The following CAMTA1 variants were observed in gnomAD, a reference collection of about 807,000 sequenced individuals.
CAMTA1 encodes calmodulin binding transcription activator 1, also known as calmodulin-binding transcription activator 1.
Under a neutral mutation model 170.9 loss-of-function variants are expected in CAMTA1, and 27 were observed. The observed-to-expected ratio is 0.16, with a 90% CI of 0.12 to 0.22. The LOEUF (loss-of-function observed/expected upper bound fraction) is 0.22, where lower values mean the gene tolerates loss of function less well. Among genes scored for constraint, CAMTA1 ranks in the 10% least tolerant of loss-of-function variants. The pLI, the probability that CAMTA1 is intolerant of heterozygous loss-of-function variation, is 1.00. For missense variants in CAMTA1, 1,619 were observed against 2,217.2 expected (o/e 0.73, Z 5.42); for synonymous variants, 833 against 891.5 (o/e 0.93, Z 1.17).
At chr1:7,508,423 G>A (rs1575707968) in intron 6 of CAMTA1, among the ~76,000 whole-genome samples, 1 of 152,232 alleles carries the variant, frequency 6.6e-6, no homozygotes, top group African/African-American at 2.4e-5. Context: ...TAGTCCTGAC[G>A]ATTATTTTGA....
intron 5 of CAMTA1, among the ~76,000 whole-genome samples, chr1:7,444,745 C>T (rs2092636019): frequency 6.6e-6 from 1 of 152,216 alleles, no homozygotes; most frequent in South Asian, 2.1e-4. Context: ...TGAGCAGCAC[C>T]TAAAAGGTGA....
In CAMTA1 at chr1:7,716,210, T is replaced by A. The variant is rs77411154; in HGVS notation, c.2915-16238T>A. On this transcript the variant is annotated intron_variant, in intron 11 of 22. Transcript: ENST00000303635. ...ACCGTGCCCAGCTAATTTTTTTATG[T>A]TTTGTTGAGATAGGGTCTTACTATG... is the stretch of plus-strand genomic sequence containing the variant. 1.8e-4 allele frequency among the ~76,000 whole-genome samples: 27 copies of A among 152,108 alleles called. No homozygotes were observed. The East Asian group carries it at 4.5e-3, about 25-fold the overall frequency.
intron 4 of CAMTA1, among the ~76,000 whole-genome samples, chr1:7,235,806 G>A (rs1663731717): frequency 6.6e-6 from 1 of 152,136 alleles, no homozygotes; most frequent in African/African-American, 2.4e-5. Flanking sequence ...TCTCTGATAA[G>A]AAAACCTCTT....
intron 1 of CAMTA1, among the ~76,000 whole-genome samples, chr1:6,796,530 A>G (rs1369098280): frequency 1.3e-5 from 2 of 152,196 alleles, no homozygotes; most frequent in Non-Finnish European, 2.9e-5. Flanking sequence ...ATGATGTTTT[A>G]TTCAAATTAC....
chr1:7,240,189 A>G (rs1664613943), intron 4 of CAMTA1, among the ~76,000 whole-genome samples: 1 of 152,112 alleles, frequency 6.6e-6, no homozygotes, highest in African/African-American at 2.4e-5. Context: ...ATGATATTTT[A>G]ATTCTCTCAT....
intron 5 of CAMTA1, among the ~76,000 whole-genome samples, chr1:7,264,626 G>A (rs1402046068): frequency 1.3e-5 from 2 of 152,140 alleles, no homozygotes; most frequent in Non-Finnish European, 2.9e-5. Context: ...ACTCCAAAAA[G>A]CACATCAAAT....
intron 5 of CAMTA1, among the ~76,000 whole-genome samples, chr1:7,282,888 CT>C (rs1349969809): frequency 6.6e-6 from 1 of 151,994 alleles, no homozygotes; most frequent in Non-Finnish European, 1.5e-5. Context: ...GTGACATAGC[CT>C]TTTTCTGGTT....
chr1:6,905,360 AT>A (rs1473747175), intron 3 of CAMTA1, among the ~76,000 whole-genome samples: 1 of 151,496 alleles, frequency 6.6e-6, no homozygotes, highest in African/African-American at 2.4e-5. Context: ...CACCTGGCTA[AT>A]TTTTGTGTTT....
At chr1:6,847,589 A>T (rs533439748) in intron 3 of CAMTA1, among the ~76,000 whole-genome samples, 2 of 150,230 alleles carry the variant, frequency 1.3e-5, no homozygotes, top group East Asian at 3.9e-4. Flanking sequence ...CCCAAGCTGG[A>T]GTGCAGTGGT....
chr1:7,491,899 A>T (rs771699956), intron 6 of CAMTA1, among the ~76,000 whole-genome samples: 37 of 152,180 alleles, frequency 2.4e-4, no homozygotes, highest in Non-Finnish European at 4.7e-4. Flanking sequence ...TGGTGTTCCG[A>T]CGAAACAAAG....
At chr1:7,542,598 CTGGGATTA>C (rs1279815922) in intron 6 of CAMTA1, among the ~76,000 whole-genome samples, 1 of 88,350 alleles carries the variant, frequency 1.1e-5, no homozygotes, top group African/African-American at 4.5e-5. Flanking sequence ...TCCTGAGTAG[CTGGGATTA>C]CAGGTGTGTG....
intron 4 of CAMTA1, among the ~76,000 whole-genome samples, chr1:7,213,607 A>G (rs1439986202): frequency 4.9e-5 from 4 of 81,830 alleles, no homozygotes. Flanking sequence ...CTTTTTTTTA[A>G]ATTTCTTTTT....
At chr1:7,415,844 C>G (rs1457890784) in intron 5 of CAMTA1, among the ~76,000 whole-genome samples, 4 of 152,304 alleles carry the variant, frequency 2.6e-5, no homozygotes, top group African/African-American at 7.2e-5. Context: ...GATGCAGTTT[C>G]TTCCTAGCCT....
chr1:7,049,229 TAGAGGAAACTGCCC>T (rs1705902701), intron 3 of CAMTA1, among the ~76,000 whole-genome samples: 1 of 151,958 alleles, frequency 6.6e-6, no homozygotes, highest in Non-Finnish European at 1.5e-5. Context: ...GGACAAAGCA[TAGAGGAAACTGCCC>T]AGTCAGAAAG....
At chr1:7,073,768 T>C (rs1299006086) in intron 3 of CAMTA1, among the ~76,000 whole-genome samples, 1 of 152,102 alleles carries the variant, frequency 6.6e-6, no homozygotes, top group African/African-American at 2.4e-5. Context: ...GAGGTAAAAA[T>C]CTGATAGGAA....
At chr1:6,937,556 T>TCAC (rs1553191710) in intron 3 of CAMTA1, among the ~76,000 whole-genome samples, 12 of 902 alleles carry the variant, frequency 0.013, 4 homozygotes, top group African/African-American at 0.017. Context: ...ACCACTACCA[T>TCAC]CATCACCATT....
intron 4 of CAMTA1, among the ~76,000 whole-genome samples, chr1:7,126,523 AC>A (rs2148499400): frequency 6.6e-6 from 1 of 152,346 alleles, no homozygotes; most frequent in East Asian, 1.9e-4. Context: ...ATGAGTTTTA[AC>A]TTTTGTATTG....
chr1:7,285,988 G>C (rs758617699), intron 5 of CAMTA1, among the ~76,000 whole-genome samples: 1 of 152,110 alleles, frequency 6.6e-6, no homozygotes, highest in Non-Finnish European at 1.5e-5. Flanking sequence ...AGACCTGCCC[G>C]CTAGCATGCT....
At chr1:7,606,361 G>C (rs1458864028) in intron 6 of CAMTA1, among the ~76,000 whole-genome samples, 1 of 152,150 alleles carries the variant, frequency 6.6e-6, no homozygotes, top group Non-Finnish European at 1.5e-5. Context: ...GCACTTGTTG[G>C]GCAGCAATGT....
Sources: allele counts gnomAD v4.1 joint callset (sites outside exome capture counted in the v4.1 genomes callset), GRCh38; gene constraint gnomAD v4.1.1; transcripts MANE v1.5; gene names NCBI Gene and HGNC (gene_info 2026-07-23, HGNC 2026-07-21).